The following RAPGEF1 variants were observed in gnomAD, a reference collection of about 807,000 sequenced individuals.
RAPGEF1 encodes the protein Rap guanine nucleotide exchange factor 1.
A neutral mutation model predicts 143.3 loss-of-function variants in RAPGEF1; 33 were observed. That is an observed-to-expected ratio of 0.23 (90% confidence interval 0.17 to 0.31). The LOEUF is 0.31. Among genes scored for constraint, RAPGEF1 ranks in the 10% least tolerant of loss-of-function variants. RAPGEF1 has a pLI of 1.00. For synonymous variants in RAPGEF1, 629 were observed against 676.5 expected, an observed-to-expected ratio of 0.93 and a Z score of 1.09; for missense variants, 1,199 against 1,645.4, an observed-to-expected ratio of 0.73 and a Z score of 4.69.
At chr9:131,636,671 A>T (rs1966447158) in intron 5 of RAPGEF1, among the ~76,000 whole-genome samples, 1 of 152,214 alleles carries the variant, frequency 6.6e-6, no homozygotes, top group Non-Finnish European at 1.5e-5. Context: ...AATTTTCAAT[A>T]ATAGCATTTT....
chr9:131,732,241 G>GA (rs11336831), intron 1 of RAPGEF1, among the ~76,000 whole-genome samples: 74 of 147,290 alleles, frequency 5.0e-4, no homozygotes, highest in Admixed American at 2.8e-3. Context: ...AAGGCCAACT[G>GA]AAAAAAAAAA....
chr9:131,680,506 T>G lies in RAPGEF1; in HGVS notation c.62-29557A>C, dbSNP rs551786122. On this transcript the variant is annotated intron_variant, in intron 1 of 26. Coordinates refer to ENST00000683357, the MANE Select transcript of RAPGEF1 (RefSeq NM_001377935.1). ...CTGGAAGGTTGTGGGTTTACGGGAATGAGGGCAAGGAACACCTGGCCCACC... is the reference window on the plus strand; with the variant it reads ...CTGGAAGGTTGTGGGTTTACGGGAAGGAGGGCAAGGAACACCTGGCCCACC... Among the ~76,000 whole-genome samples, 20 of 152,332 alleles carry G rather than the reference T, an allele frequency of 1.3e-4. No homozygotes were observed. The South Asian group carries it at 4.1e-3, about 32-fold the overall frequency.
intron 1 of RAPGEF1, among the ~76,000 whole-genome samples, chr9:131,716,396 T>A (rs1439216861): frequency 2.0e-5 from 3 of 152,244 alleles, no homozygotes; most frequent in Non-Finnish European, 4.4e-5. Context: ...GAACTAAACG[T>A]AGCCCTCAGT....
chr9:131,705,591 T>C (rs542241554), intron 1 of RAPGEF1, among the ~76,000 whole-genome samples: 2 of 152,228 alleles, frequency 1.3e-5, no homozygotes, highest in African/African-American at 2.4e-5. Context: ...TGGGGCCTGC[T>C]GGAACTCACT....
intron 1 of RAPGEF1, among the ~76,000 whole-genome samples, chr9:131,719,501 CT>C (rs1234353144): frequency 6.7e-5 from 10 of 148,980 alleles, no homozygotes; most frequent in Non-Finnish European, 1.0e-4. Context: ...TGGGCAGCGG[CT>C]TCAACCTAGC....
intron 1 of RAPGEF1, among the ~76,000 whole-genome samples, chr9:131,730,751 G>T (rs940215531): frequency 2.3e-4 from 34 of 149,998 alleles, no homozygotes; most frequent in Admixed American, 8.1e-4. Context: ...GGGCTCCGGG[G>T]TGGGTTTATC....
chr9:131,603,126 G>T (rs1384781288), intron 14 of RAPGEF1, among the ~76,000 whole-genome samples: 1 of 152,188 alleles, frequency 6.6e-6, no homozygotes, highest in African/African-American at 2.4e-5. Flanking sequence ...AACAGGGCTG[G>T]CTCTGGGTGG....
intron 1 of RAPGEF1, among the ~76,000 whole-genome samples, chr9:131,708,729 T>TTCTC (rs1835273180): frequency 6.6e-6 from 1 of 150,474 alleles, no homozygotes; most frequent in African/African-American, 2.4e-5. Flanking sequence ...GGATATTTCT[T>TTCTC]TTTCTTTCTT....
chr9:131,731,229 T>C (rs1443401304), intron 1 of RAPGEF1, among the ~76,000 whole-genome samples: 2 of 152,162 alleles, frequency 1.3e-5, no homozygotes, highest in African/African-American at 2.4e-5. Context: ...AAGTGTAAAA[T>C]ATACAGAAGC....
At chr9:131,738,700 T>C (rs1187485255) in intron 1 of RAPGEF1, among the ~76,000 whole-genome samples, 2 of 152,192 alleles carry the variant, frequency 1.3e-5, no homozygotes, top group South Asian at 4.1e-4. Context: ...TGCTAAGAGT[T>C]AGATATATAG....
Position 131,739,750 on chromosome 9 carries a change from G to T in RAPGEF1, c.61+20C>A. On this transcript the variant is annotated intron_variant, in intron 1 of 26. Transcript: ENST00000683357. The stretch of plus-strand genomic sequence containing the variant: ...GGGCCGGGCCCGGCCGGAGGGAGCC[G>T]CCCCACGCCCGCGCCTCACCTGCTT... 1 of 1,134,240 alleles carries T rather than the reference G, an allele frequency of 8.8e-7. No individual in the cohort carries two copies. The highest frequency in any genetic ancestry group is 1.1e-6 in the Non-Finnish European group (1 of 915,182). The allele number at this position is 1,134,240 out of a possible 1,614,324, so 70.3% of individuals were successfully genotyped here.
At chr9:131,663,194 C>T (rs898442315) in intron 1 of RAPGEF1, among the ~76,000 whole-genome samples, 14 of 152,074 alleles carry the variant, frequency 9.2e-5, no homozygotes, top group African/African-American at 2.9e-4. Context: ...ATTCGTCAAC[C>T]GTTAACATTT....
At chr9:131,657,464 T>C (rs1021922030) in intron 1 of RAPGEF1, among the ~76,000 whole-genome samples, 1 of 152,210 alleles carries the variant, frequency 6.6e-6, no homozygotes, top group African/African-American at 2.4e-5. Context: ...AGAATTGAAG[T>C]TAAAACAAAA....
intron 1 of RAPGEF1, among the ~76,000 whole-genome samples, chr9:131,657,969 G>T (rs1472101866): frequency 6.6e-6 from 1 of 152,180 alleles, no homozygotes; most frequent in Admixed American, 6.5e-5. Flanking sequence ...GGCATGCTGG[G>T]GTGTATCAGT....
chr9:131,580,037 C>T (rs369902788), intron 26 of RAPGEF1, among the ~76,000 whole-genome samples: 3 of 152,232 alleles, frequency 2.0e-5, no homozygotes, highest in South Asian at 2.1e-4. Context: ...ACGAGCTGTG[C>T]TGTCACGGGG....
At chr9:131,595,491 G>A (rs192608747) in intron 17 of RAPGEF1, among the ~76,000 whole-genome samples, 1 of 152,284 alleles carries the variant, frequency 6.6e-6, no homozygotes, top group East Asian at 1.9e-4. Flanking sequence ...AGGTGGGGGT[G>A]TTTTCATTCC....
chr9:131,721,606 C>T (rs11791414), intron 1 of RAPGEF1, among the ~76,000 whole-genome samples: 85,134 of 151,822 alleles, frequency 0.56, 24,716 homozygotes, highest in Non-Finnish European at 0.64. Context: ...AGCTCGAAGA[C>T]GGGTCAGTGG....
At chr9:131,691,354 G>A (rs537826306) in intron 1 of RAPGEF1, among the ~76,000 whole-genome samples, 2 of 152,192 alleles carry the variant, frequency 1.3e-5, no homozygotes, top group Admixed American at 6.5e-5. Flanking sequence ...GTCTCTCACC[G>A]TGAAAAAGAG....
rs560156541 is a variant in RAPGEF1, at chr9:131,658,064, C to T, written c.62-7115G>A. Among the ~76,000 whole-genome samples, 6 of 152,310 alleles carry T rather than the reference C, an allele frequency of 3.9e-5. No individual in the cohort carries two copies. In the South Asian group the frequency reaches 6.2e-4, roughly 16 times the overall value. On this transcript the variant is annotated intron_variant, in intron 1 of 26. Transcript: ENST00000683357. ...GCTCTCCTGTCAGTGGACACTGGGT[C>T]GCTTCCAGCATTTTTGCTTTAATAA...
Sources: gnomAD v4.1 joint callset for allele counts (sites outside exome capture counted in the v4.1 genomes callset) on GRCh38, gnomAD v4.1.1 for gene constraint, MANE v1.5 for transcripts, NCBI Gene and HGNC (gene_info 2026-07-23, HGNC 2026-07-21) for gene names.